GMEB2: variants seen among roughly 807,000 people sequenced by gnomAD.
The protein encoded by GMEB2 is glucocorticoid modulatory element-binding protein 2.
In GMEB2, 7 loss-of-function variants were observed where a neutral mutation model predicts 45.7. The ratio of observed to expected loss-of-function variants is 0.15; its 90% CI spans 0.09 to 0.29. The LOEUF (loss-of-function observed/expected upper bound fraction) is 0.29, where lower values mean the gene tolerates loss of function less well. Among genes scored for constraint, GMEB2 ranks in the 10% least tolerant of loss-of-function variants. The pLI is 1.00. For synonymous variants in GMEB2, 322 were observed against 323.6 expected (o/e 1.00, Z 0.05); for missense variants, 582 against 739.2 (o/e 0.79, Z 2.47).
At chr20:63,595,818 C>T in intron 5 of GMEB2, 51 bp from the exon 6 acceptor site, 1 of 1,580,388 alleles carries the variant, frequency 6.3e-7, no homozygotes, top group African/African-American at 1.3e-5. Flanking sequence ...GAGCCGAAGG[C>T]ACCTGGCCCG....
rs143533990 is a variant in GMEB2, at chr20:63,597,771, G to A, written c.447C>T (p.Asn149=). ...LKDWKRAIRM[N]GIMLRKIMDS... ...CCAGCGCCCACCTGAGCATGATGCCGTTCATGCGGATGGCTCTCTTCCAGT... is the reference window on the plus strand; with the variant it reads ...CCAGCGCCCACCTGAGCATGATGCCATTCATGCGGATGGCTCTCTTCCAGT... Residue 149 remains asparagine, a synonymous_variant, in exon 5 of 10, where the codon AAC becomes AAT. Coordinates refer to ENST00000370077, the MANE Select transcript of GMEB2 (RefSeq NM_012384.5). The A allele has an allele frequency of 1.6e-4, 247 of 1,591,796 alleles. No individual in the cohort carries two copies. Among genetic ancestry groups the A allele is most frequent in the Non-Finnish European group, 2.0e-4 (237 of 1,159,818 alleles).
chr20:63,599,146 A>G (rs78923028), intron 4 of GMEB2, among the ~76,000 whole-genome samples: 27 of 150,686 alleles, frequency 1.8e-4, no homozygotes, highest in Non-Finnish European at 3.4e-4. Context: ...GAGCTAACGC[A>G]GCCGCTCCTG....
intron 2 of GMEB2, among the ~76,000 whole-genome samples, chr20:63,614,044 C>A (rs6090475): frequency 0.17 from 26,069 of 152,058 alleles, 3,069 homozygotes; most frequent in East Asian, 0.49. Flanking sequence ...CTGGGCAACA[C>A]CCACTCCATC....
intron 5 of GMEB2, 98 bp from the exon 6 acceptor site, chr20:63,595,865 G>A: frequency 1.8e-6 from 2 of 1,114,550 alleles, no homozygotes; most frequent in Non-Finnish European, 2.7e-6. Flanking sequence ...GCGTGGGGCA[G>A]GCCTAGCAGA....
intron 4 of GMEB2, among the ~76,000 whole-genome samples, chr20:63,600,763 CTG>C (rs1356019316): frequency 6.8e-6 from 1 of 146,012 alleles, no homozygotes; most frequent in Non-Finnish European, 1.5e-5. Context: ...CTCAGCCTGT[CTG>C]TGTTTTTCTT....
At chr20:63,622,888 C>T (rs902842402) in intron 1 of GMEB2, among the ~76,000 whole-genome samples, 3 of 152,188 alleles carry the variant, frequency 2.0e-5, no homozygotes, top group Admixed American at 6.5e-5. Flanking sequence ...GCAAAGACCC[C>T]GCACGCGTTA....
chr20:63,622,479 C>T (rs767683933), intron 1 of GMEB2, among the ~76,000 whole-genome samples: 7 of 152,230 alleles, frequency 4.6e-5, no homozygotes, highest in African/African-American at 1.4e-4. Flanking sequence ...AGCATGGGAA[C>T]ATTTTTCTGA....
intron 4 of GMEB2, among the ~76,000 whole-genome samples, chr20:63,599,456 C>A (rs529657266): frequency 6.6e-6 from 1 of 152,350 alleles, no homozygotes; most frequent in South Asian, 2.1e-4. Flanking sequence ...CTGCTGGTGG[C>A]AAACTCGTGT....
At chr20:63,614,849 C>T (rs1260042117) in intron 2 of GMEB2, among the ~76,000 whole-genome samples, 3 of 152,158 alleles carry the variant, frequency 2.0e-5, no homozygotes. Context: ...GGCACGTGAC[C>T]CACATGACCT....
At chr20:63,617,635 G>A (rs1275368684) in intron 2 of GMEB2, among the ~76,000 whole-genome samples, 1 of 151,706 alleles carries the variant, frequency 6.6e-6, no homozygotes, top group African/African-American at 2.4e-5. Context: ...GAGGTGACCT[G>A]GACACCATCC....
At chr20:63,616,662 G>C (rs2777932) in intron 2 of GMEB2, among the ~76,000 whole-genome samples, 132,724 of 152,190 alleles carry the variant, frequency 0.87, 59,035 homozygotes, top group Non-Finnish European at 0.97. Context: ...ATCTAGAGGC[G>C]TGGCACATCA....
rs2083108552 is a variant in GMEB2, at chr20:63,587,953, T to C, written c.*2136A>G. The stretch of plus-strand genomic sequence containing the variant: ...ACAACCTTCCCCACCCACTGCAGTG[T>C]GGTTCCCATGAGGATGAGGGCTTCT... On this transcript the variant is annotated 3_prime_UTR_variant, in exon 10 of 10. Transcript: ENST00000370077. 6.6e-6 allele frequency: 1 copy of C among 152,292 alleles called. No homozygotes were observed. The highest frequency in any genetic ancestry group is 2.4e-5 in the African/African-American group (1 of 41,446). The allele number at this position is 152,292 out of a possible 1,614,324, so 9.4% of individuals were successfully genotyped here.
intron 4 of GMEB2, among the ~76,000 whole-genome samples, chr20:63,602,036 G>C (rs569073576): frequency 1.3e-5 from 2 of 152,248 alleles, no homozygotes; most frequent in African/African-American, 4.8e-5. Context: ...TGTGGCTTCT[G>C]TGCAGCCTGT....
chr20:63,605,189 A>G (rs557217834), intron 2 of GMEB2, among the ~76,000 whole-genome samples: 21 of 151,754 alleles, frequency 1.4e-4, no homozygotes, highest in Non-Finnish European at 2.6e-4. Context: ...CAGTGAGCCA[A>G]GATCACACCA....
At chr20:63,612,356 C>T (rs1236436330) in intron 2 of GMEB2, among the ~76,000 whole-genome samples, 1 of 152,146 alleles carries the variant, frequency 6.6e-6, no homozygotes, top group African/African-American at 2.4e-5. Context: ...TGTCTGCCAC[C>T]GCACGCTCAG....
chr20:63,625,453 G>A (rs914882732), intron 1 of GMEB2, among the ~76,000 whole-genome samples: 4 of 152,008 alleles, frequency 2.6e-5, no homozygotes, highest in African/African-American at 7.2e-5. Flanking sequence ...GATTATAGGT[G>A]TGAGCCACTA....
chr20:63,603,781 G>A (rs1322797350), intron 3 of GMEB2, among the ~76,000 whole-genome samples: 6 of 150,950 alleles, frequency 4.0e-5, no homozygotes, highest in Non-Finnish European at 8.8e-5. Flanking sequence ...GGCCAGGCGA[G>A]GTGGCTCACA....
At chr20:63,612,752 G>A (rs1027705187) in intron 2 of GMEB2, among the ~76,000 whole-genome samples, 9 of 148,814 alleles carry the variant, frequency 6.0e-5, no homozygotes, top group Non-Finnish European at 1.5e-5. Context: ...ACCCAGCCGA[G>A]CCTACCTGTG....
chr20:63,626,739 A>C (rs1288029792), intron 1 of GMEB2, among the ~76,000 whole-genome samples: 1 of 147,546 alleles, frequency 6.8e-6, no homozygotes, highest in East Asian at 2.0e-4. Flanking sequence ...TGGAGGCAGG[A>C]AGCGCCGCCG....
Sources: allele counts gnomAD v4.1 joint callset (sites outside exome capture counted in the v4.1 genomes callset), GRCh38; gene constraint gnomAD v4.1.1; transcripts MANE v1.5; gene names NCBI Gene and HGNC (gene_info 2026-07-23, HGNC 2026-07-21).